CPNE4: variants seen among roughly 807,000 people sequenced by gnomAD.
The protein encoded by CPNE4 is copine 4.
In CPNE4, 25 loss-of-function variants were observed where a neutral mutation model predicts 67.9. The observed-to-expected ratio is 0.37, with a 90% CI of 0.27 to 0.51. The LOEUF is 0.51. Ranked by LOEUF, CPNE4 falls within the 20% of genes least tolerant of loss-of-function variation. The pLI is 0.93. For missense variants in CPNE4, 464 were observed against 690.8 expected, an observed-to-expected ratio of 0.67 and a Z score of 3.68; for synonymous variants, 242 against 244.9, an observed-to-expected ratio of 0.99 and a Z score of 0.11.
intron 7 of CPNE4, among the ~76,000 whole-genome samples, chr3:131,665,856 A>G (rs1187290000): frequency 6.6e-6 from 1 of 152,176 alleles, no homozygotes; most frequent in Admixed American, 6.6e-5. Flanking sequence ...GCACTCCTGC[A>G]AAACACAAAA....
chr3:131,943,425 C>T (rs149392469), intron 1 of CPNE4, among the ~76,000 whole-genome samples: 1 of 152,234 alleles, frequency 6.6e-6, no homozygotes, highest in African/African-American at 2.4e-5. Context: ...AGAGTTCTTA[C>T]CTATCACAGG....
At chr3:131,561,013 A>G (rs1936734222) in intron 11 of CPNE4, among the ~76,000 whole-genome samples, 1 of 152,096 alleles carries the variant, frequency 6.6e-6, no homozygotes, top group African/African-American at 2.4e-5. Context: ...TACCTGTCAG[A>G]TTGGGTTTCA....
chr3:131,741,376 C>G (rs536468450), intron 2 of CPNE4, among the ~76,000 whole-genome samples: 7 of 152,036 alleles, frequency 4.6e-5, no homozygotes. Context: ...TAAAGCTAGA[C>G]AGTCTGAGAA....
chr3:131,903,588 G>T (rs371347077), intron 2 of CPNE4, among the ~76,000 whole-genome samples: 7 of 152,190 alleles, frequency 4.6e-5, no homozygotes, highest in African/African-American at 1.7e-4. Flanking sequence ...AGTTTCTGGA[G>T]CTCCAATGTA....
chr3:131,801,355 C>CATATATATATATATGTACCAT (rs756282116), intron 2 of CPNE4, among the ~76,000 whole-genome samples: 1 of 89,750 alleles, frequency 1.1e-5, no homozygotes, highest in Non-Finnish European at 2.5e-5. Context: ...ATATATGTAC[C>CATATATATATATATGTACCAT]ATATATATAT....
chr3:132,012,338 T>C (rs1401745641), intron 1 of CPNE4, among the ~76,000 whole-genome samples: 9 of 152,070 alleles, frequency 5.9e-5, no homozygotes, highest in Non-Finnish European at 1.3e-4. Flanking sequence ...CTGGCTAATT[T>C]TTGTAATTTT....
intron 2 of CPNE4, among the ~76,000 whole-genome samples, chr3:131,744,135 A>G (rs1262479451): frequency 6.6e-6 from 1 of 151,894 alleles, no homozygotes; most frequent in Non-Finnish European, 1.5e-5. Context: ...AATGACTTTT[A>G]TTTTTACTAA....
chr3:131,851,783 C>A (rs1157474519), intron 2 of CPNE4, among the ~76,000 whole-genome samples: 1 of 152,048 alleles, frequency 6.6e-6, no homozygotes, highest in Non-Finnish European at 1.5e-5. Context: ...TTACCACCTG[C>A]AGATATATAG....
At chr3:132,032,791 T>C (rs1416393271) in intron 1 of CPNE4, among the ~76,000 whole-genome samples, 1 of 152,182 alleles carries the variant, frequency 6.6e-6, no homozygotes, top group East Asian at 1.9e-4. Flanking sequence ...TCAGAAGTTA[T>C]CTAATCACAG....
chr3:131,988,183 A>G (rs1016586806), intron 1 of CPNE4, among the ~76,000 whole-genome samples: 2 of 152,164 alleles, frequency 1.3e-5, no homozygotes, highest in African/African-American at 4.8e-5. Context: ...GATACATGCT[A>G]TAAGAACAGG....
At chr3:131,784,825 A>G (rs1006255277) in intron 2 of CPNE4, among the ~76,000 whole-genome samples, 4 of 152,182 alleles carry the variant, frequency 2.6e-5, no homozygotes, top group African/African-American at 9.6e-5. Context: ...AAACTAAGAC[A>G]GAATCTATTA....
chr3:131,958,604 C>CTTTTCTTTTTTTTTT (rs2072054139), intron 1 of CPNE4, among the ~76,000 whole-genome samples: 1 of 44,300 alleles, frequency 2.3e-5, no homozygotes, highest in African/African-American at 8.1e-5. Flanking sequence ...ACCTTTCTTT[C>CTTTTCTTTTTTTTTT]TTTTCTTTTT....
At chr3:131,968,069 CT>C (rs1210575547) in intron 1 of CPNE4, among the ~76,000 whole-genome samples, 1 of 152,172 alleles carries the variant, frequency 6.6e-6, no homozygotes, top group African/African-American at 2.4e-5. Context: ...CTACAACCAT[CT>C]GATCTTTGAC....
intron 1 of CPNE4, among the ~76,000 whole-genome samples, chr3:131,960,579 T>C (rs1157973255): frequency 6.6e-6 from 1 of 152,198 alleles, no homozygotes; most frequent in Non-Finnish European, 1.5e-5. Context: ...TTAACTGTTC[T>C]ATAGATAAGA....
At chr3:131,801,728 G>A (rs2107914293) in intron 2 of CPNE4, among the ~76,000 whole-genome samples, 1 of 150,548 alleles carries the variant, frequency 6.6e-6, no homozygotes, top group East Asian at 2.0e-4. Context: ...ATATTCCAGA[G>A]TATAAACTGT....
intron 2 of CPNE4, among the ~76,000 whole-genome samples, chr3:131,852,483 A>C (rs1560466105): frequency 6.6e-6 from 1 of 151,992 alleles, no homozygotes; most frequent in Non-Finnish European, 1.5e-5. Flanking sequence ...GTCATGTTAA[A>C]ACCTCTCAGA....
At chr3:131,646,086 AC>A (rs1240766814) in intron 7 of CPNE4, among the ~76,000 whole-genome samples, 2 of 152,206 alleles carry the variant, frequency 1.3e-5, no homozygotes, top group African/African-American at 4.8e-5. Context: ...AAAAAAAGTG[AC>A]AAACTATACA....
chr3:132,031,380 C>A (rs2074230936), intron 1 of CPNE4, among the ~76,000 whole-genome samples: 1 of 152,098 alleles, frequency 6.6e-6, no homozygotes, highest in Non-Finnish European at 1.5e-5. Context: ...AAATATGGAA[C>A]ACAAATTTAG....
At chr3:131,848,357 C>G (rs1390968084) in intron 2 of CPNE4, among the ~76,000 whole-genome samples, 1 of 152,142 alleles carries the variant, frequency 6.6e-6, no homozygotes, top group African/African-American at 2.4e-5. Context: ...TCATTCCCCA[C>G]TCATCTTTTC....
Sources: gnomAD v4.1 joint callset for allele counts (sites outside exome capture counted in the v4.1 genomes callset) on GRCh38, gnomAD v4.1.1 for gene constraint, MANE v1.5 for transcripts, NCBI Gene and HGNC (gene_info 2026-07-23, HGNC 2026-07-21) for gene names.